Variants in KATNIP observed in about 807,000 individuals in gnomAD.
KATNIP encodes the protein katanin-interacting protein.
KATNIP carries 126 observed loss-of-function variants against 174.0 expected under a neutral mutation model. That is an observed-to-expected ratio of 0.72 (90% confidence interval 0.63 to 0.84). The LOEUF (loss-of-function observed/expected upper bound fraction) is 0.84. KATNIP is among the 40% of genes least tolerant of loss of function. The pLI is 0.00. For missense variants in KATNIP, 1,958 were observed against 2,109.7 expected (o/e 0.93, Z 1.41); for synonymous variants, 810 against 835.7 (o/e 0.97, Z 0.53).
At chr16:27,599,363 A>T (rs2075440932) in intron 2 of KATNIP, among the ~76,000 whole-genome samples, 1 of 152,228 alleles carries the variant, frequency 6.6e-6, no homozygotes, top group Non-Finnish European at 1.5e-5. Context: ...CTTGAGAAGC[A>T]GCCAGAAGAG....
At chr16:27,605,415 C>T (rs1387696583) in intron 2 of KATNIP, among the ~76,000 whole-genome samples, 2 of 152,100 alleles carry the variant, frequency 1.3e-5, no homozygotes, top group South Asian at 2.1e-4. Flanking sequence ...AAAAATACAC[C>T]GTAACTGTGT....
At chr16:27,762,227 G>A (rs988188752) in intron 19 of KATNIP, among the ~76,000 whole-genome samples, 5 of 152,158 alleles carry the variant, frequency 3.3e-5, no homozygotes, top group Admixed American at 1.3e-4. Flanking sequence ...GGAGTCAGAG[G>A]GATGGGAGTT....
chr16:27,663,444 A>G (rs1316791460), intron 6 of KATNIP, among the ~76,000 whole-genome samples: 1 of 150,096 alleles, frequency 6.7e-6, no homozygotes, highest in Non-Finnish European at 1.5e-5. Context: ...TTGTTTATTT[A>G]TTTATTTATT....
chr16:27,744,197 C>T (rs1234453009), intron 15 of KATNIP, among the ~76,000 whole-genome samples: 1 of 152,168 alleles, frequency 6.6e-6, no homozygotes, highest in Non-Finnish European at 1.5e-5. Flanking sequence ...TGCCCAAGTT[C>T]TATTCTGGGA....
rs1371182897 is a variant in KATNIP, at chr16:27,761,530, C to T, written c.3749C>T (p.Ala1250Val). ...ALPIHLHQIS[A>V]SPRDLNELPE... ...CCCATCCACCTGCACCAGATCTCTG[C>T]TTCCCCCAGAGACTTAAATGAGCTC... Residue 1250 changes from alanine to valine, a missense_variant, in exon 19 of 28, where the codon GCT (alanine) becomes GTT (valine). Physicochemically the swap from Ala to Val is moderately conservative, Grantham distance 64. Coordinates refer to ENST00000261588, the MANE Select transcript of KATNIP (RefSeq NM_015202.5). 2 of 1,614,000 alleles carry T rather than the reference C, an allele frequency of 1.2e-6. No individual in the cohort carries two copies. The highest frequency in any genetic ancestry group is 1.3e-5 in the African/African-American group (1 of 74,920).
At chr16:27,573,817 G>A (rs2090389733) in intron 1 of KATNIP, 84 bp from the exon 2 acceptor site, 1 of 1,262,388 alleles carries the variant, frequency 7.9e-7, no homozygotes, top group Non-Finnish European at 1.2e-6. Context: ...CATCTATTCA[G>A]TTTGCAAATA....
At chr16:27,647,427 G>A (rs2076987685) in intron 5 of KATNIP, among the ~76,000 whole-genome samples, 1 of 151,130 alleles carries the variant, frequency 6.6e-6, no homozygotes. Context: ...CTGCAGCCTC[G>A]AACTCCTGGG....
chr16:27,742,576 C>T (rs2081150784), intron 15 of KATNIP, among the ~76,000 whole-genome samples: 1 of 152,218 alleles, frequency 6.6e-6, no homozygotes, highest in Admixed American at 6.5e-5. Context: ...TATCCTGGCT[C>T]CATCACCTCC....
At chr16:27,681,296 A>C in intron 7 of KATNIP, 103 bp from the exon 8 acceptor site, 3 of 1,434,384 alleles carry the variant, frequency 2.1e-6, no homozygotes, top group Non-Finnish European at 2.9e-6. Context: ...TTCCGTAGAC[A>C]TTTGTTGAAT....
At chr16:27,566,016 G>A (rs1011189281) in intron 1 of KATNIP, among the ~76,000 whole-genome samples, 3 of 150,520 alleles carry the variant, frequency 2.0e-5, no homozygotes, top group Non-Finnish European at 4.4e-5. Flanking sequence ...ATGGAAACCA[G>A]CAGCTGTTTT....
chr16:27,586,363 T>C (rs1024230618), intron 2 of KATNIP, among the ~76,000 whole-genome samples: 50 of 152,108 alleles, frequency 3.3e-4, no homozygotes, highest in African/African-American at 1.2e-3. Flanking sequence ...ATCCTAGCAT[T>C]TTGGGAGGCT....
intron 2 of KATNIP, among the ~76,000 whole-genome samples, chr16:27,597,402 C>CTTTTTTTTTTT (rs36005993): frequency 2.2e-5 from 1 of 46,128 alleles, no homozygotes; most frequent in Non-Finnish European, 4.2e-5. Context: ...ATTTTCTTTT[C>CTTTTTTTTTTT]TTTTTTTTTT....
chr16:27,580,248 G>A (rs552325475), intron 2 of KATNIP, among the ~76,000 whole-genome samples: 1 of 152,320 alleles, frequency 6.6e-6, no homozygotes, highest in East Asian at 1.9e-4. Flanking sequence ...GAGTAGTGGA[G>A]ACCACAGGTG....
At chr16:27,717,106 T>C (rs989692060) in intron 13 of KATNIP, among the ~76,000 whole-genome samples, 3 of 152,170 alleles carry the variant, frequency 2.0e-5, no homozygotes, top group Non-Finnish European at 4.4e-5. Flanking sequence ...CCTCTCAAAG[T>C]GCTGGGATTA....
chr16:27,655,565 A>G (rs998422990), intron 6 of KATNIP, among the ~76,000 whole-genome samples: 2 of 152,034 alleles, frequency 1.3e-5, no homozygotes, highest in African/African-American at 4.8e-5. Flanking sequence ...ATGTAAAACA[A>G]TTCACAAGAG....
At chr16:27,571,302 G>C (rs2090282267) in intron 1 of KATNIP, among the ~76,000 whole-genome samples, 1 of 152,174 alleles carries the variant, frequency 6.6e-6, no homozygotes, top group Non-Finnish European at 1.5e-5. Context: ...CTAAGTGTTA[G>C]AATTACAGGC....
rs184669751 is a variant in KATNIP at position 27,620,853 on chromosome 16, A to G, written c.140+2352A>G. ...TTCATTTAGCAGGATTTCACTGAGT[A>G]CCTTCTAAGTGCCTGGCATTGCCAT... On this transcript the variant is annotated intron_variant, in intron 3 of 27. Transcript: ENST00000261588. Among the ~76,000 whole-genome samples the G allele has an allele frequency of 3.9e-5, 6 of 152,364 alleles. No homozygotes were observed. In the East Asian group the frequency reaches 7.7e-4, roughly 20 times the overall value.
rs949027529 is a variant in KATNIP, at chr16:27,779,507, C to T, written c.*878C>T. The T allele has an allele frequency of 2.0e-5, 3 of 152,552 alleles. No homozygotes were observed. The highest frequency in any genetic ancestry group is 4.4e-5 in the Non-Finnish European group (3 of 68,272). 9.4% of individuals were successfully genotyped at this position (152,552 alleles called of 1,614,324 possible). On this transcript the variant is annotated 3_prime_UTR_variant, in exon 28 of 28. Coordinates refer to ENST00000261588, the MANE Select transcript of KATNIP (RefSeq NM_015202.5). ...CACTGAGGACAATCCCCCATCTCCCCTCACCCTTGAGCAGGCCCTCCCTGC... is the reference window on the plus strand; with the variant it reads ...CACTGAGGACAATCCCCCATCTCCCTTCACCCTTGAGCAGGCCCTCCCTGC...
rs75832178 is a variant in KATNIP at position 27,554,162 on chromosome 16, A to G, written c.7+3985A>G. 3.3e-4 allele frequency among the ~76,000 whole-genome samples: 51 copies of G among 152,240 alleles called. No homozygotes were observed. The East Asian group carries it at 7.7e-3, about 23-fold the overall frequency. ...GTTTTACCCACCATTGCTTTGTGTCATAAGTACAAATGTCAACACAGCCAG... is the reference window on the plus strand; with the variant it reads ...GTTTTACCCACCATTGCTTTGTGTCGTAAGTACAAATGTCAACACAGCCAG... On this transcript the variant is annotated intron_variant, in intron 1 of 27. Coordinates refer to ENST00000261588, the MANE Select transcript of KATNIP (RefSeq NM_015202.5).
Sources: allele counts gnomAD v4.1 joint callset (sites outside exome capture counted in the v4.1 genomes callset), GRCh38; gene constraint gnomAD v4.1.1; transcripts MANE v1.5; gene names NCBI Gene and HGNC (gene_info 2026-07-23, HGNC 2026-07-21).